Variants in LAT2 observed in about 807,000 individuals in gnomAD.
LAT2 encodes the protein linker for activation of T cells family member 2.
Under a neutral mutation model 43.4 loss-of-function variants are expected in LAT2, and 23 were observed. The observed-to-expected ratio is 0.53, with a 90% confidence interval of 0.38 to 0.75. The LOEUF is 0.75. Among genes scored for constraint, LAT2 ranks in the 30% least tolerant of loss-of-function variants. LAT2 has a pLI of 0.00. For synonymous variants in LAT2, 128 were observed against 123.2 expected (o/e 1.04, Z -0.26); for missense variants, 284 against 310.2 (o/e 0.92, Z 0.64).
At chr7:74,211,311 CTG>C (rs1273870529) in intron 1 of LAT2, among the ~76,000 whole-genome samples, 1 of 152,200 alleles carries the variant, frequency 6.6e-6, no homozygotes, top group Non-Finnish European at 1.5e-5. Flanking sequence ...GAGTCTCACT[CTG>C]TTGTCCAGGC....
intron 1 of LAT2, among the ~76,000 whole-genome samples, chr7:74,213,520 G>C (rs1442992595): frequency 6.6e-6 from 1 of 150,694 alleles, no homozygotes; most frequent in Non-Finnish European, 1.5e-5. Context: ...CACCTCCTAG[G>C]TTCAAGTGAT....
chr7:74,212,653 C>A (rs73358569), intron 1 of LAT2, among the ~76,000 whole-genome samples: 91 of 152,288 alleles, frequency 6.0e-4, no homozygotes, highest in African/African-American at 2.1e-3. Flanking sequence ...AGCCCTCCTG[C>A]AAGACAAGTT....
rs552503462 is a variant in LAT2, at chr7:74,220,333, G to A, written c.265+79G>A. 8.9e-5 allele frequency: 133 copies of A among 1,488,808 alleles called. No homozygotes were observed. The highest frequency in any genetic ancestry group is 1.1e-4 in the Non-Finnish European group (115 of 1,082,132). The allele number at this position is 1,488,808 out of a possible 1,614,324, so 92.2% of individuals were successfully genotyped here. A position where few individuals can be genotyped will look rare whatever the true frequency, so the allele number is the denominator to read the frequency against. On this transcript the variant is annotated intron_variant, in intron 7 of 13. Transcript: ENST00000460943. This position sits in a 1 kb window ranked among gnomAD's most constrained non-coding sequence, Gnocchi z 4.5. ...CAGGCGAAAACCCCATGGGACAGGC[G>A]TCGTGCAGTGGGGGCTGCGGGGCCA...
At chr7:74,226,812 C>T (rs1554716175) in intron 13 of LAT2, among the ~76,000 whole-genome samples, 1 of 152,110 alleles carries the variant, frequency 6.6e-6, no homozygotes, top group Non-Finnish European at 1.5e-5. Flanking sequence ...CTAGGGAAGC[C>T]TTTCAGAGCT....
At position 74,216,063 on chromosome 7, in the gene LAT2, C is replaced by T. The variant is rs369438020; in HGVS notation, c.88C>T (p.Arg30Cys). 77 of 1,610,364 alleles carry T rather than the reference C, an allele frequency of 4.8e-5. No homozygotes were observed. The highest frequency in any genetic ancestry group is 3.4e-4 in the South Asian group (31 of 90,878). The change falls in exon 3 of 14, where the codon CGC becomes TGC. Residue 30 changes from arginine to cysteine, a missense_variant. Arg to Cys is a radical substitution (Grantham distance 180). Transcript: ENST00000460943. ...VAASLCVRCSRPGAKRSEKIY... is the reference protein window; with the variant it reads ...VAASLCVRCSCPGAKRSEKIY... ...AGCCAGTCTGTGTGTGCGCTGCTCA[C>T]GCCCAGGTAAGCGGGGGTCTCGGGG... is the stretch of plus-strand genomic sequence containing the variant.
Position 74,224,578 on chromosome 7 carries a change from G to A in LAT2, c.629-61G>A. 4 of 1,406,216 alleles carry A rather than the reference G, an allele frequency of 2.8e-6. No individual in the cohort carries two copies. The South Asian group carries it at 3.7e-5, about 13-fold the overall frequency. 87.1% of individuals were successfully genotyped at this position (1,406,216 alleles called of 1,614,324 possible). A position where few individuals can be genotyped will look rare whatever the true frequency, so the allele number is the denominator to read the frequency against. On this transcript the variant is annotated intron_variant, in intron 12 of 13. Transcript: ENST00000460943. Reference sequence around the variant, plus strand: ...GGAGTCTGGGGGTCTGAGTCTGGGGGAGCAGTCATGGGTGTCTCCATGTGA... The same window carrying A: ...GGAGTCTGGGGGTCTGAGTCTGGGGAAGCAGTCATGGGTGTCTCCATGTGA...
chr7:74,215,953 A>G lies in LAT2; in HGVS notation c.-23A>G, dbSNP rs1554714186. The G allele has an allele frequency of 3.7e-6, 6 of 1,611,726 alleles. No homozygotes were observed. The highest frequency in any genetic ancestry group is 5.1e-6 in the Non-Finnish European group (6 of 1,177,886). On this transcript the variant is annotated 5_prime_UTR_variant, in exon 3 of 14. Coordinates refer to ENST00000460943, the MANE Select transcript of LAT2 (RefSeq NM_032464.3). Reference sequence around the variant, plus strand: ...CGGGCACCTCCCATTTCAGCATCACAAGAGGCAACACCAGGAGCCAACATG... The same window carrying G: ...CGGGCACCTCCCATTTCAGCATCACGAGAGGCAACACCAGGAGCCAACATG...
chr7:74,216,534 G>A (rs1554714327), intron 3 of LAT2, among the ~76,000 whole-genome samples: 1 of 152,088 alleles, frequency 6.6e-6, no homozygotes, highest in Non-Finnish European at 1.5e-5. Flanking sequence ...ACCATGCCTG[G>A]CTAATTTTTG....
intron 1 of LAT2, among the ~76,000 whole-genome samples, chr7:74,214,112 G>GAA (rs1491410508): frequency 8.3e-5 from 7 of 84,668 alleles, no homozygotes; most frequent in South Asian, 3.2e-4. Flanking sequence ...ATATATATAT[G>GAA]AAAATATATA....
rs1554714924 is a variant in LAT2 at position 74,220,186 on chromosome 7, CCTT to C, written c.228-30_228-28del. On this transcript the variant is annotated intron_variant, in intron 6 of 13. Transcript: ENST00000460943. This position sits in a 1 kb window ranked among gnomAD's most constrained non-coding sequence, Gnocchi z 4.5. ...GGGGGGCCTCTCCCCTACAGCCCCT[CCTT>C]TAACTCCCTCCTTCCCCCTCCCTGC... is the stretch of plus-strand genomic sequence containing the variant. 1 of 1,590,628 alleles carries C rather than the reference CCTT, an allele frequency of 6.3e-7. No homozygotes were observed. Among genetic ancestry groups the C allele is most frequent in the African/African-American group, 1.3e-5 (1 of 74,480 alleles).
chr7:74,210,595 G>T (rs370015969), intron 1 of LAT2, among the ~76,000 whole-genome samples: 2 of 151,728 alleles, frequency 1.3e-5, no homozygotes, highest in African/African-American at 2.4e-5. Context: ...TCCTGCACCC[G>T]CCCGCCTCCC....
Position 74,216,832 on chromosome 7 carries a change from G to C in LAT2, c.102G>C (p.Lys34Asn). 1 of 1,613,892 alleles carries C rather than the reference G, an allele frequency of 6.2e-7. No individual in the cohort carries two copies. The highest frequency in any genetic ancestry group is 8.5e-7 in the Non-Finnish European group (1 of 1,179,844). ...CCTGGCCTTTTCTTGCAGGTGCAAAGAGGTCAGAGAAAATCTACCAGCAGA... is the reference window on the plus strand; with the variant it reads ...CCTGGCCTTTTCTTGCAGGTGCAAACAGGTCAGAGAAAATCTACCAGCAGA... ...LCVRCSRPGA[K>N]RSEKIYQQRS... The change falls in exon 4 of 14, where the codon AAG becomes AAC. Residue 34 changes from lysine to asparagine, a missense_variant. Lys to Asn is a moderately conservative substitution (Grantham distance 94). Transcript: ENST00000460943.
chr7:74,214,040 GTA>G (rs374928543), intron 1 of LAT2, among the ~76,000 whole-genome samples: 20 of 106,292 alleles, frequency 1.9e-4, no homozygotes, highest in Non-Finnish European at 3.1e-4. Context: ...CCATATATAT[GTA>G]TATATATATA....
chr7:74,214,764 CATATATATATAAATAT>C (rs1276578553), intron 1 of LAT2, 42 bp from the exon 2 acceptor site: 5 of 61,220 alleles, frequency 8.2e-5, no homozygotes, highest in African/African-American at 2.4e-4. Flanking sequence ...TATATATAAA[CATATATATATAAATAT>C]ATATATATAT....
Position 74,213,421 on chromosome 7 carries a change from ATTT to A in LAT2, c.-218-1382_-218-1380del, listed in dbSNP as rs1174359277. On this transcript the variant is annotated intron_variant, in intron 1 of 13. Coordinates refer to ENST00000460943, the MANE Select transcript of LAT2 (RefSeq NM_032464.3). ...CAGGCATGAGCCACTGTGCCCGGCC[ATTT>A]TTTTTTTTTTTTTTTTTTGAGATGG... Among the ~76,000 whole-genome samples, 27 of 103,336 alleles carry A rather than the reference ATTT, an allele frequency of 2.6e-4. 1 individual carries two copies. The South Asian group carries it at 7.4e-3, about 28-fold the overall frequency. 67.8% of individuals were successfully genotyped at this position (103,336 alleles called of 152,430 possible).
At position 74,221,616 on chromosome 7, in the gene LAT2, T is replaced by C; in HGVS notation, c.333-21T>C. The C allele has an allele frequency of 3.1e-6, 5 of 1,609,816 alleles. 1 individual carries two copies. The highest frequency in any genetic ancestry group is 2.5e-6 in the Non-Finnish European group (3 of 1,176,950). On this transcript the variant is annotated intron_variant, in intron 9 of 13. Coordinates refer to ENST00000460943, the MANE Select transcript of LAT2 (RefSeq NM_032464.3). Reference sequence around the variant, plus strand: ...CTCCAGCCTGCCCTGAAACCTGTGTTGTATATGTTTTCTTGGCCAGAGACC... The same window carrying C: ...CTCCAGCCTGCCCTGAAACCTGTGTCGTATATGTTTTCTTGGCCAGAGACC...
At chr7:74,224,432 T>C (rs1324153119) in intron 12 of LAT2, among the ~76,000 whole-genome samples, 1 of 152,166 alleles carries the variant, frequency 6.6e-6, no homozygotes, top group African/African-American at 2.4e-5. Flanking sequence ...TCCAGCTGCA[T>C]GCATGGAGTA....
At chr7:74,214,361 A>AATATATATATATGAAAATATATAT (rs1801897381) in intron 1 of LAT2, among the ~76,000 whole-genome samples, 5 of 43,942 alleles carry the variant, frequency 1.1e-4, no homozygotes, top group Non-Finnish European at 2.0e-4. Flanking sequence ...TATATATATA[A>AATATATATATATGAAAATATATAT]ATATATATAT....
chr7:74,220,770 T>A lies in LAT2; in HGVS notation c.332+36T>A. 1 of 1,453,402 alleles carries A rather than the reference T, an allele frequency of 6.9e-7. No individual in the cohort carries two copies. The highest frequency in any genetic ancestry group is 9.1e-7 in the Non-Finnish European group (1 of 1,093,296). 90.0% of individuals were successfully genotyped at this position (1,453,402 alleles called of 1,614,324 possible). A position where few individuals can be genotyped will look rare whatever the true frequency, so the allele number is the denominator to read the frequency against. On this transcript the variant is annotated intron_variant, in intron 9 of 13. Transcript: ENST00000460943. The surrounding 1 kb of genome is among the most constrained non-coding windows in gnomAD (Gnocchi z 4.5). The stretch of plus-strand genomic sequence containing the variant: ...TTGATCCTGTCCCCCCTGCCTCGCC[T>A]CTCCCCCTGCCCCACCTCTCCCCCT...
Sources: gnomAD v4.1 joint callset for allele counts (sites outside exome capture counted in the v4.1 genomes callset) on GRCh38, gnomAD v4.1.1 for gene constraint, Gnocchi (gnomAD v3.1) non-coding constraint, MANE v1.5 for transcripts, NCBI Gene and HGNC (gene_info 2026-07-23, HGNC 2026-07-21) for gene names.